Variants in PTPRD observed in about 807,000 individuals in gnomAD.
PTPRD encodes the protein protein tyrosine phosphatase receptor type D, also known as receptor-type tyrosine-protein phosphatase delta.
A neutral mutation model predicts 214.5 loss-of-function variants in PTPRD; 34 were observed. That is an observed-to-expected ratio of 0.16 (90% confidence interval 0.12 to 0.21). The LOEUF is 0.21. PTPRD is among the 10% of genes least tolerant of loss of function. The pLI is 1.00. For synonymous variants in PTPRD, 1,128 were observed against 845.7 expected (o/e 1.33, Z -5.79); for missense variants, 2,545 against 2,398.7 (o/e 1.06, Z -1.27).
chr9:9,977,921 A>G (rs1002270697), intron 4 of PTPRD, among the ~76,000 whole-genome samples: 1 of 110,944 alleles, frequency 9.0e-6, no homozygotes, highest in Non-Finnish European at 2.2e-5. Flanking sequence ...TATTTAACAT[A>G]CCTTTCCAGA....
At chr9:9,006,827 C>G (rs1346232866) in intron 11 of PTPRD, among the ~76,000 whole-genome samples, 1 of 151,786 alleles carries the variant, frequency 6.6e-6, no homozygotes, top group African/African-American at 2.4e-5. Flanking sequence ...GAAAAAAACT[C>G]TATTTAATGA....
intron 3 of PTPRD, among the ~76,000 whole-genome samples, chr9:10,169,933 T>C (rs1288062869): frequency 6.6e-6 from 1 of 152,156 alleles, no homozygotes; most frequent in African/African-American, 2.4e-5. Context: ...GCAGCTATAA[T>C]AAATATATTC....
intron 3 of PTPRD, among the ~76,000 whole-genome samples, chr9:10,060,916 C>CTTTA (rs1160588483): frequency 8.6e-6 from 1 of 115,660 alleles, no homozygotes; most frequent in Non-Finnish European, 1.6e-5. Context: ...TTCTTTCTTT[C>CTTTA]TTTCTTTCTT....
At chr9:8,447,631 C>G (rs573975682) in intron 34 of PTPRD, among the ~76,000 whole-genome samples, 1 of 152,174 alleles carries the variant, frequency 6.6e-6, no homozygotes, top group Non-Finnish European at 1.5e-5. Flanking sequence ...TACACAGTTC[C>G]CATTCTTGCT....
At chr9:9,689,561 C>A (rs1162696195) in intron 7 of PTPRD, among the ~76,000 whole-genome samples, 1 of 151,728 alleles carries the variant, frequency 6.6e-6, no homozygotes, top group Non-Finnish European at 1.5e-5. Flanking sequence ...AGTCACTCCA[C>A]TGATTTATCG....
At chr9:10,070,087 A>C (rs960683245) in intron 3 of PTPRD, among the ~76,000 whole-genome samples, 3 of 152,072 alleles carry the variant, frequency 2.0e-5, no homozygotes, top group African/African-American at 4.8e-5. Flanking sequence ...CAAAAAAGGT[A>C]ATTCCCTTGC....
intron 2 of PTPRD, among the ~76,000 whole-genome samples, chr9:10,425,340 T>C (rs1019869711): frequency 6.6e-6 from 1 of 151,960 alleles, no homozygotes; most frequent in African/African-American, 2.4e-5. Flanking sequence ...TAAACCAATA[T>C]TTCCCTCTTC....
chr9:9,926,792 C>T (rs2084481227), intron 5 of PTPRD, among the ~76,000 whole-genome samples: 1 of 152,066 alleles, frequency 6.6e-6, no homozygotes. Context: ...TACCCATGAG[C>T]ATTTGTTTAG....
chr9:9,782,750 A>G (rs779400422), intron 5 of PTPRD, among the ~76,000 whole-genome samples: 2 of 152,208 alleles, frequency 1.3e-5, no homozygotes, highest in African/African-American at 2.4e-5. Flanking sequence ...CACAGTTATT[A>G]TAATAAAACT....
At chr9:9,214,174 G>A (rs1023751048) in intron 9 of PTPRD, among the ~76,000 whole-genome samples, 1 of 152,142 alleles carries the variant, frequency 6.6e-6, no homozygotes, top group African/African-American at 2.4e-5. Flanking sequence ...ATTTGTTGAT[G>A]GACATCAGGC....
intron 14 of PTPRD, among the ~76,000 whole-genome samples, chr9:8,546,112 G>A (rs1030186946): frequency 1.3e-5 from 2 of 152,208 alleles, no homozygotes; most frequent in African/African-American, 2.4e-5. Context: ...ACTTATCAGG[G>A]ATCTCAATCT....
At chr9:9,691,672 A>G (rs536366254) in intron 7 of PTPRD, among the ~76,000 whole-genome samples, 1 of 152,014 alleles carries the variant, frequency 6.6e-6, no homozygotes, top group East Asian at 1.9e-4. Flanking sequence ...TATGACAGCT[A>G]TATTTTTAGT....
At chr9:9,458,072 TTTAG>T (rs1274956782) in intron 8 of PTPRD, among the ~76,000 whole-genome samples, 2 of 152,204 alleles carry the variant, frequency 1.3e-5, no homozygotes, top group Admixed American at 1.3e-4. Flanking sequence ...CAGTTACTGA[TTTAG>T]TTAGATTTTC....
chr9:8,371,996 G>C (rs2134445448), intron 39 of PTPRD, among the ~76,000 whole-genome samples: 1 of 152,132 alleles, frequency 6.6e-6, no homozygotes, highest in South Asian at 2.1e-4. Flanking sequence ...AAGGCATCAA[G>C]GACAATGGCA....
At chr9:9,321,362 C>A (rs1454617191) in intron 9 of PTPRD, among the ~76,000 whole-genome samples, 1 of 152,006 alleles carries the variant, frequency 6.6e-6, no homozygotes, top group Non-Finnish European at 1.5e-5. Context: ...TCACGACCAG[C>A]CTGACCAATA....
At chr9:8,934,466 T>TATATATATAAATTTATATATATATTA (rs1567099314) in intron 11 of PTPRD, among the ~76,000 whole-genome samples, 1 of 26,140 alleles carries the variant, frequency 3.8e-5, no homozygotes, top group African/African-American at 3.0e-4. Context: ...TATATATAAA[T>TATATATATAAATTTATATATATATTA]ATATATATAT....
chr9:10,066,284 G>C (rs1043144400), intron 3 of PTPRD, among the ~76,000 whole-genome samples: 4 of 151,324 alleles, frequency 2.6e-5, no homozygotes, highest in African/African-American at 9.7e-5. Flanking sequence ...CCACTATCCT[G>C]AAAATATGTT....
intron 21 of PTPRD, among the ~76,000 whole-genome samples, chr9:8,510,239 C>T (rs924963039): frequency 3.9e-5 from 6 of 152,034 alleles, no homozygotes; most frequent in East Asian, 1.9e-4. Context: ...CTACAGTGAA[C>T]GATGACTGAG....
At chr9:8,874,054 A>G (rs1212969152) in intron 11 of PTPRD, among the ~76,000 whole-genome samples, 1 of 152,208 alleles carries the variant, frequency 6.6e-6, no homozygotes, top group Non-Finnish European at 1.5e-5. Flanking sequence ...TTTTGAACTT[A>G]GGGTAAAAAT....
Sources: allele counts gnomAD v4.1 joint callset (sites outside exome capture counted in the v4.1 genomes callset), GRCh38; gene constraint gnomAD v4.1.1; transcripts MANE v1.5; gene names NCBI Gene and HGNC (gene_info 2026-07-23, HGNC 2026-07-21).